The following ADGRL2 variants were observed in gnomAD, a reference collection of about 807,000 sequenced individuals.
ADGRL2 encodes calcium-independent alpha-latrotoxin receptor 2.
Under a neutral mutation model 157.4 loss-of-function variants are expected in ADGRL2, and 44 were observed. The observed-to-expected ratio is 0.28, with a 90% confidence interval of 0.22 to 0.36. ADGRL2 has a LOEUF of 0.36. Among genes scored for constraint, ADGRL2 ranks in the 10% least tolerant of loss-of-function variants. ADGRL2 has a pLI of 1.00. For synonymous variants in ADGRL2, 585 were observed against 624.7 expected (o/e 0.94, Z 0.95); for missense variants, 1,510 against 1,768.9 (o/e 0.85, Z 2.63).
chr1:81,658,005 T>A (rs1394676588), intron 3 of ADGRL2, among the ~76,000 whole-genome samples: 1 of 152,256 alleles, frequency 6.6e-6, no homozygotes, highest in South Asian at 2.1e-4. Context: ...AGGAATATTG[T>A]TGACTGGTTC....
Position 81,420,982 on chromosome 1 carries a change from C to A in ADGRL2, c.-301-24054C>A, listed in dbSNP as rs564604924. 4.2e-4 allele frequency among the ~76,000 whole-genome samples: 64 copies of A among 152,278 alleles called. No individual in the cohort carries two copies. In the South Asian group the frequency reaches 0.013, roughly 31 times the overall value. On this transcript the variant is annotated intron_variant, in intron 1 of 24. Transcript: ENST00000370721. Reference sequence around the variant, plus strand: ...TGCTCTTAACCATCATGCAGTGAAACCCTGACAGAAGGGCCAAGACTGAAA... The same window carrying A: ...TGCTCTTAACCATCATGCAGTGAAAACCTGACAGAAGGGCCAAGACTGAAA...
chr1:81,463,496 A>C (rs1014987107), intron 2 of ADGRL2, among the ~76,000 whole-genome samples: 6 of 152,142 alleles, frequency 3.9e-5, no homozygotes, highest in African/African-American at 1.4e-4. Context: ...TTGTTACAAA[A>C]CTGCTCCAGA....
At chr1:81,529,521 C>T (rs915531268) in intron 2 of ADGRL2, among the ~76,000 whole-genome samples, 2 of 152,214 alleles carry the variant, frequency 1.3e-5, no homozygotes, top group African/African-American at 4.8e-5. Context: ...GAATGCTTAT[C>T]TTTTGTCCAA....
intron 1 of ADGRL2, among the ~76,000 whole-genome samples, chr1:81,439,431 C>T (rs1246050156): frequency 6.6e-6 from 1 of 152,214 alleles, no homozygotes; most frequent in Non-Finnish European, 1.5e-5. Context: ...GAGTTAATAA[C>T]GAAACCTACT....
intron 2 of ADGRL2, among the ~76,000 whole-genome samples, chr1:81,504,840 C>A (rs895689492): frequency 4.6e-5 from 7 of 152,196 alleles, no homozygotes; most frequent in African/African-American, 1.7e-4. Context: ...GCTGGCCTTG[C>A]CAGAGGTTGA....
chr1:81,590,114 A>C (rs2081102925), intron 3 of ADGRL2, among the ~76,000 whole-genome samples: 1 of 152,098 alleles, frequency 6.6e-6, no homozygotes, highest in African/African-American at 2.4e-5. Flanking sequence ...CCTTTTGGGG[A>C]AGAACTGAAG....
chr1:81,743,080 G>T (rs1172458513), intron 1 of ADGRL2, among the ~76,000 whole-genome samples: 2 of 151,946 alleles, frequency 1.3e-5, no homozygotes, highest in African/African-American at 2.4e-5. Context: ...GAAGCTAAGA[G>T]ACAAAACTGA....
intron 1 of ADGRL2, among the ~76,000 whole-genome samples, chr1:81,407,923 CAAGCAGAAATGT>C (rs2101374052): frequency 6.6e-6 from 1 of 152,010 alleles, no homozygotes; most frequent in South Asian, 2.1e-4. Flanking sequence ...GTTAGCACAG[CAAGCAGAAATGT>C]AAGCAATTTT....
intron 2 of ADGRL2, among the ~76,000 whole-genome samples, chr1:81,776,758 T>A (rs1001057888): frequency 3.3e-5 from 5 of 152,176 alleles, no homozygotes; most frequent in African/African-American, 1.2e-4. Flanking sequence ...GAGGATAAGT[T>A]AACAGGAACT....
At position 81,441,547 on chromosome 1, in the gene ADGRL2, C is replaced by T. The variant is rs144095651; in HGVS notation, c.-301-3489C>T. 7.5e-3 allele frequency among the ~76,000 whole-genome samples: 1,137 copies of T among 152,250 alleles called. 6 individuals are homozygous for T. Among genetic ancestry groups the T allele is most frequent in the Non-Finnish European group, 0.012 (797 of 68,010 alleles). ...TGGGTTTTTTTGTTTGTTTTTGAGA[C>T]GGAGTCTCACATTGTCACCCAGGCT... On this transcript the variant is annotated intron_variant, in intron 1 of 24. Transcript: ENST00000370721.
At chr1:81,810,376 C>G (rs1220331565) in intron 1 of ADGRL2, among the ~76,000 whole-genome samples, 1 of 150,008 alleles carries the variant, frequency 6.7e-6, no homozygotes, top group Non-Finnish European at 1.5e-5. Flanking sequence ...TACTTTGAAG[C>G]AAAGTATTTC....
chr1:81,930,237 T>C (rs1387458454), intron 3 of ADGRL2, among the ~76,000 whole-genome samples: 1 of 152,208 alleles, frequency 6.6e-6, no homozygotes, highest in Non-Finnish European at 1.5e-5. Flanking sequence ...TTTGTTTTCA[T>C]TAATATTTCA....
At chr1:81,833,972 A>T (rs1475655299) in intron 1 of ADGRL2, among the ~76,000 whole-genome samples, 1 of 152,188 alleles carries the variant, frequency 6.6e-6, no homozygotes, top group Non-Finnish European at 1.5e-5. Flanking sequence ...CAAGATTAGG[A>T]TGAAATTGTT....
intron 2 of ADGRL2, among the ~76,000 whole-genome samples, chr1:81,482,308 A>G (rs1262871858): frequency 1.3e-5 from 2 of 152,222 alleles, no homozygotes; most frequent in Non-Finnish European, 2.9e-5. Flanking sequence ...AAAAGTCCTA[A>G]TGGAGGATTC....
At chr1:81,394,211 C>T (rs919706414) in intron 1 of ADGRL2, among the ~76,000 whole-genome samples, 2 of 152,054 alleles carry the variant, frequency 1.3e-5, no homozygotes, top group Non-Finnish European at 2.9e-5. Flanking sequence ...TAGATTCTGA[C>T]TAATTGACAA....
At chr1:81,990,323 CA>C (rs775617583) in intron 23 of ADGRL2, 67 bp from the exon 24 acceptor site, 77 of 1,539,532 alleles carry the variant, frequency 5.0e-5, no homozygotes, top group Non-Finnish European at 6.1e-5. Flanking sequence ...AAGTTTTGTA[CA>C]AAAGAAATAG....
chr1:81,635,848 GC>G (rs2082105044), intron 3 of ADGRL2, among the ~76,000 whole-genome samples: 1 of 152,298 alleles, frequency 6.6e-6, no homozygotes, highest in Admixed American at 6.5e-5. Flanking sequence ...GGTTCAAGTA[GC>G]TTCCATCAGT....
chr1:81,830,866 C>G (rs984406785), intron 1 of ADGRL2, among the ~76,000 whole-genome samples: 1 of 152,150 alleles, frequency 6.6e-6, no homozygotes, highest in Admixed American at 6.5e-5. Context: ...ACCTCATTAC[C>G]TCTAAGAAAC....
At chr1:81,879,328 A>G (rs958677632) in intron 2 of ADGRL2, among the ~76,000 whole-genome samples, 2 of 152,166 alleles carry the variant, frequency 1.3e-5, no homozygotes, top group Non-Finnish European at 2.9e-5. Flanking sequence ...TTGAGGAACT[A>G]GAATCATCAC....
Sources: gnomAD v4.1 joint callset for allele counts (sites outside exome capture counted in the v4.1 genomes callset) on GRCh38, gnomAD v4.1.1 for gene constraint, MANE v1.5 for transcripts, NCBI Gene and HGNC (gene_info 2026-07-23, HGNC 2026-07-21) for gene names.